The following WWOX variants were observed in gnomAD, a reference collection of about 807,000 sequenced individuals.
WWOX encodes WW domain-containing oxidoreductase.
A neutral mutation model predicts 46.2 loss-of-function variants in WWOX; 69 were observed. The ratio of observed to expected loss-of-function variants is 1.49; its 90% confidence interval spans 1.23 to 1.82. The LOEUF (loss-of-function observed/expected upper bound fraction) is 1.82. WWOX is among the 40% of genes most tolerant of loss of function. WWOX has a pLI of 0.00. For missense variants in WWOX, 919 were observed against 542.6 expected, an observed-to-expected ratio of 1.69 and a Z score of -6.89; for synonymous variants, 359 against 202.6, an observed-to-expected ratio of 1.77 and a Z score of -6.56.
chr16:78,406,721 G>C (rs1000791027), intron 6 of WWOX, among the ~76,000 whole-genome samples: 11 of 151,756 alleles, frequency 7.2e-5, no homozygotes, highest in African/African-American at 2.7e-4. Context: ...CCTCCTCCGG[G>C]GTTCAAGCGA....
chr16:78,345,639 CAAAA>C (rs1193432164), intron 5 of WWOX, among the ~76,000 whole-genome samples: 1,781 of 25,034 alleles, frequency 0.071, 140 homozygotes, highest in African/African-American at 0.19. Context: ...GACCCTGTCT[CAAAA>C]AAAAAAAAAA....
chr16:78,631,088 A>G (rs572615413), intron 8 of WWOX, among the ~76,000 whole-genome samples: 13 of 152,152 alleles, frequency 8.5e-5, no homozygotes, highest in Non-Finnish European at 1.8e-4. Context: ...AGTGTACAGG[A>G]GCATCACATA....
chr16:79,013,027 C>T lies in WWOX; in HGVS notation c.1057-198581C>T, dbSNP rs1428210445. On this transcript the variant is annotated intron_variant, in intron 8 of 8. Transcript: ENST00000566780. ...GAGGTTGCAGTGAGCTGAGATCGTG[C>T]CACTGCATGTCAGCCTGAGCAACAG... Among the ~76,000 whole-genome samples, 6 of 152,178 alleles carry T rather than the reference C, an allele frequency of 3.9e-5. No individual in the cohort carries two copies. The South Asian group carries it at 1.2e-3, about 32-fold the overall frequency.
rs868465907 is a variant in WWOX, at chr16:79,194,513, G to T, written c.1057-17095G>T. The stretch of plus-strand genomic sequence containing the variant: ...GGCTGAACTTTGTAAGGACACAAGT[G>T]GTTTAACAAGTTTCCTGGCCCATAT... On this transcript the variant is annotated intron_variant, in intron 8 of 8. Coordinates refer to ENST00000566780, the MANE Select transcript of WWOX (RefSeq NM_016373.4). 1.3e-5 allele frequency among the ~76,000 whole-genome samples: 2 copies of T among 152,252 alleles called. 1 individual carries two copies. Among genetic ancestry groups the T allele is most frequent in the South Asian group, 4.1e-4 (2 of 4,822 alleles).
chr16:78,419,624 GCAAAA>G (rs2082876181), intron 6 of WWOX, among the ~76,000 whole-genome samples: 2 of 7,634 alleles, frequency 2.6e-4, no homozygotes, highest in African/African-American at 7.8e-4. Flanking sequence ...GCAAAAAATA[GCAAAA>G]AAAAAAAAAA....
intron 8 of WWOX, among the ~76,000 whole-genome samples, chr16:79,068,114 C>G (rs2048476100): frequency 6.6e-6 from 1 of 152,182 alleles, no homozygotes; most frequent in Non-Finnish European, 1.5e-5. Flanking sequence ...AGATCCCTAA[C>G]CCATTGTGGA....
chr16:79,155,775 T>C (rs1445011197), intron 8 of WWOX, among the ~76,000 whole-genome samples: 1 of 152,106 alleles, frequency 6.6e-6, no homozygotes, highest in Non-Finnish European at 1.5e-5. Context: ...GAAAGGATTA[T>C]GCAAAAAGCC....
In WWOX at chr16:78,858,330, A is replaced by G. The variant is rs200245274; in HGVS notation, c.1057-353278A>G. 4.0e-4 allele frequency among the ~76,000 whole-genome samples: 60 copies of G among 149,924 alleles called. 1 individual carries two copies. Among genetic ancestry groups the G allele is most frequent in the Middle Eastern group, 6.8e-3 (2 of 292 alleles). ...ACCCAATATGTAGTCATATATATAT[A>G]TGTGTGTGTGTGTGTGTATGTATAT... On this transcript the variant is annotated intron_variant, in intron 8 of 8. Coordinates refer to ENST00000566780, the MANE Select transcript of WWOX (RefSeq NM_016373.4).
chr16:78,848,116 G>T (rs114789198), intron 8 of WWOX, among the ~76,000 whole-genome samples: 12 of 152,012 alleles, frequency 7.9e-5, no homozygotes, highest in Admixed American at 7.2e-4. Flanking sequence ...GCCCATTCGC[G>T]GACTCAGAAA....
intron 8 of WWOX, among the ~76,000 whole-genome samples, chr16:78,931,829 A>G (rs943003892): frequency 6.6e-6 from 1 of 152,200 alleles, no homozygotes; most frequent in Non-Finnish European, 1.5e-5. Context: ...TTTAGCTCCC[A>G]TAATCCCCAC....
chr16:78,730,149 G>C (rs1402515948), intron 8 of WWOX, among the ~76,000 whole-genome samples: 3 of 152,024 alleles, frequency 2.0e-5, no homozygotes, highest in Admixed American at 2.0e-4. Context: ...AAACTACTTG[G>C]GCAAGAATAT....
chr16:78,927,097 A>G (rs1039384963), intron 8 of WWOX, among the ~76,000 whole-genome samples: 4 of 152,196 alleles, frequency 2.6e-5, no homozygotes, highest in African/African-American at 9.7e-5. Flanking sequence ...TGCCCTGCCC[A>G]GGCACCATTC....
intron 8 of WWOX, among the ~76,000 whole-genome samples, chr16:78,553,732 G>A (rs2044226245): frequency 6.6e-6 from 1 of 152,114 alleles, no homozygotes; most frequent in African/African-American, 2.4e-5. Context: ...AGGCCTGGGA[G>A]AGACAGCAGG....
At position 78,949,761 on chromosome 16, in the gene WWOX, C is replaced by T. The variant is rs1175123783; in HGVS notation, c.1057-261847C>T. ...GCAAACACAACAAGTAAAAGGTTTTCCTCTTGAAGGATTGAACGCCTCAAT... is the reference window on the plus strand; with the variant it reads ...GCAAACACAACAAGTAAAAGGTTTTTCTCTTGAAGGATTGAACGCCTCAAT... On this transcript the variant is annotated intron_variant, in intron 8 of 8. Coordinates refer to ENST00000566780, the MANE Select transcript of WWOX (RefSeq NM_016373.4). Among the ~76,000 whole-genome samples, 3 of 152,300 alleles carry T rather than the reference C, an allele frequency of 2.0e-5. No homozygotes were observed. In the East Asian group the frequency reaches 5.8e-4, roughly 29 times the overall value.
intron 8 of WWOX, among the ~76,000 whole-genome samples, chr16:79,189,162 G>T (rs2051078409): frequency 6.6e-6 from 1 of 152,180 alleles, no homozygotes; most frequent in Non-Finnish European, 1.5e-5. Context: ...TCTGTTTCCA[G>T]CATGGTCTGT....
At chr16:78,808,451 T>C (rs6564595) in intron 8 of WWOX, among the ~76,000 whole-genome samples, 121,621 of 152,120 alleles carry the variant, frequency 0.8, 48,881 homozygotes, top group Middle Eastern at 0.88. Flanking sequence ...CATTTTAAAG[T>C]GTTATTGAAT....
chr16:79,091,392 G>T (rs2048957144), intron 8 of WWOX, among the ~76,000 whole-genome samples: 1 of 152,054 alleles, frequency 6.6e-6, no homozygotes, highest in Non-Finnish European at 1.5e-5. Flanking sequence ...GAGCACAGAT[G>T]AATTTGAAGG....
chr16:78,717,331 A>G (rs2048587778), intron 8 of WWOX, among the ~76,000 whole-genome samples: 1 of 152,260 alleles, frequency 6.6e-6, no homozygotes, highest in Non-Finnish European at 1.5e-5. Context: ...TAAGTGCAGA[A>G]CTTGCAATAA....
At chr16:79,125,796 G>C (rs2049740716) in intron 8 of WWOX, among the ~76,000 whole-genome samples, 1 of 152,204 alleles carries the variant, frequency 6.6e-6, no homozygotes, top group Admixed American at 6.5e-5. Context: ...GTGCTAAATT[G>C]AAACATTATG....
Sources: allele counts gnomAD v4.1 joint callset (sites outside exome capture counted in the v4.1 genomes callset), GRCh38; gene constraint gnomAD v4.1.1; transcripts MANE v1.5; gene names NCBI Gene and HGNC (gene_info 2026-07-23, HGNC 2026-07-21).